RBFOX1: variants seen among roughly 807,000 people sequenced by gnomAD.
RBFOX1 encodes RNA binding protein fox-1 homolog 1.
In RBFOX1, 8 loss-of-function variants were observed where a neutral mutation model predicts 57.7. The observed-to-expected ratio is 0.14, with a 90% CI of 0.08 to 0.25. The LOEUF (loss-of-function observed/expected upper bound fraction) is 0.25, where lower values mean the gene tolerates loss of function less well. RBFOX1 is among the 10% of genes least tolerant of loss of function. The pLI is 1.00. For synonymous variants in RBFOX1, 326 were observed against 222.4 expected (o/e 1.47, Z -4.15); for missense variants, 611 against 548.5 (o/e 1.11, Z -1.14).
Position 6,185,218 on chromosome 16 carries a change from T to A in RBFOX1, c.-126-131777T>A, listed in dbSNP as rs1307784372. ...ATTTAAAAAAATTACCCTGTGACTC[T>A]ATTTCCTCTCCATCTGTCACTCTCT... On this transcript the variant is annotated intron_variant, in intron 1 of 15. Transcript: ENST00000550418. 2.6e-5 allele frequency among the ~76,000 whole-genome samples: 4 copies of A among 152,328 alleles called. No individual in the cohort carries two copies. The East Asian group carries it at 7.7e-4, about 29-fold the overall frequency.
intron 1 of RBFOX1, among the ~76,000 whole-genome samples, chr16:5,434,130 G>A (rs1204649992): frequency 6.6e-6 from 1 of 152,088 alleles, no homozygotes; most frequent in Non-Finnish European, 1.5e-5. Flanking sequence ...TGCATGTCCT[G>A]CCAGTCATAG....
chr16:5,566,733 A>G (rs2046087122), intron 2 of RBFOX1, among the ~76,000 whole-genome samples: 2 of 152,170 alleles, frequency 1.3e-5, no homozygotes, highest in Middle Eastern at 3.4e-3. Context: ...CAAACTACCT[A>G]GAGAGCTTTC....
intron 14 of RBFOX1, chr16:7,693,182 C>A: frequency 1.4e-6 from 1 of 694,164 alleles, no homozygotes; most frequent in South Asian, 1.8e-5. Flanking sequence ...TGAGGTACAT[C>A]AGCACATTTC....
At chr16:6,720,428 C>T (rs113746678) in intron 3 of RBFOX1, among the ~76,000 whole-genome samples, 103 of 152,170 alleles carry the variant, frequency 6.8e-4, no homozygotes, top group African/African-American at 2.5e-3. Flanking sequence ...TATAAATTAC[C>T]CACTCTCAGG....
intron 3 of RBFOX1, among the ~76,000 whole-genome samples, chr16:6,984,069 G>A (rs974958553): frequency 1.2e-4 from 18 of 152,132 alleles, no homozygotes; most frequent in African/African-American, 4.3e-4. Flanking sequence ...TCAACATGGA[G>A]AAACCCTGTC....
At chr16:6,927,193 A>G (rs2075744581) in intron 3 of RBFOX1, among the ~76,000 whole-genome samples, 1 of 151,578 alleles carries the variant, frequency 6.6e-6, no homozygotes. Context: ...GGGCTCAGGG[A>G]TTTCATTTTT....
intron 1 of RBFOX1, among the ~76,000 whole-genome samples, chr16:6,036,170 A>T (rs1277804570): frequency 6.6e-6 from 1 of 152,314 alleles, no homozygotes; most frequent in East Asian, 1.9e-4. Flanking sequence ...AGCAAAGAAC[A>T]TTGAGAAGCT....
chr16:5,714,086 C>G (rs1384798591), intron 3 of RBFOX1, among the ~76,000 whole-genome samples: 1 of 152,206 alleles, frequency 6.6e-6, no homozygotes, highest in African/African-American at 2.4e-5. Context: ...GCCTTCAGTT[C>G]TCTTTGCACA....
intron 3 of RBFOX1, among the ~76,000 whole-genome samples, chr16:5,697,511 T>C (rs1233877238): frequency 6.7e-6 from 1 of 148,174 alleles, no homozygotes; most frequent in African/African-American, 2.4e-5. Flanking sequence ...GTAGTAGTTG[T>C]GGGCTTTTCT....
At chr16:7,154,690 TGTGTGTG>T (rs1567484899) in intron 4 of RBFOX1, among the ~76,000 whole-genome samples, 20 of 11,406 alleles carry the variant, frequency 1.8e-3, no homozygotes, top group Non-Finnish European at 2.6e-3. Context: ...TTCCTTTGTG[TGTGTGTG>T]TGTGTGTGTG....
intron 1 of RBFOX1, among the ~76,000 whole-genome samples, chr16:5,418,749 C>T (rs760301941): frequency 6.6e-5 from 10 of 152,152 alleles, no homozygotes; most frequent in Admixed American, 1.3e-4. Context: ...TCCTTTCATC[C>T]CTCCCTCTCT....
intron 1 of RBFOX1, among the ~76,000 whole-genome samples, chr16:6,212,206 G>C (rs2097302956): frequency 6.6e-6 from 1 of 151,610 alleles, no homozygotes; most frequent in African/African-American, 2.4e-5. Flanking sequence ...TATTGACGTT[G>C]AAAAATACCT....
intron 3 of RBFOX1, among the ~76,000 whole-genome samples, chr16:6,797,348 A>T (rs539764986): frequency 4.6e-5 from 7 of 152,284 alleles, no homozygotes; most frequent in African/African-American, 1.7e-4. Flanking sequence ...GGTGAAAATC[A>T]TTATGAAGCA....
At chr16:6,207,688 T>C (rs558493638) in intron 1 of RBFOX1, among the ~76,000 whole-genome samples, 3 of 152,222 alleles carry the variant, frequency 2.0e-5, no homozygotes, top group Middle Eastern at 3.4e-3. Context: ...ACATTTTATT[T>C]TATTTTATTT....
At chr16:6,890,926 C>G (rs1309293273) in intron 3 of RBFOX1, among the ~76,000 whole-genome samples, 3 of 152,168 alleles carry the variant, frequency 2.0e-5, no homozygotes, top group Non-Finnish European at 4.4e-5. Flanking sequence ...CTTGAACAGA[C>G]TCTTGCTTGC....
At chr16:5,459,606 T>TC (rs1457305108) in intron 1 of RBFOX1, among the ~76,000 whole-genome samples, 6 of 151,714 alleles carry the variant, frequency 4.0e-5, no homozygotes, top group Non-Finnish European at 7.4e-5. Flanking sequence ...AATTTTTCCT[T>TC]CCCCCACAAA....
chr16:7,360,095 A>G lies in RBFOX1; in HGVS notation c.28-158052A>G, dbSNP rs1356057636. Among the ~76,000 whole-genome samples, 7 of 152,266 alleles carry G rather than the reference A, an allele frequency of 4.6e-5. No homozygotes were observed. The South Asian group carries it at 6.2e-4, about 14-fold the overall frequency. ...AACAACTTAAATATTCCCTCCCCCT[A>G]TGATGAAAATGGGATTCAACCAAAA... On this transcript the variant is annotated intron_variant, in intron 4 of 15. Coordinates refer to ENST00000550418, the MANE Select transcript of RBFOX1 (RefSeq NM_018723.4).
chr16:7,593,988 T>G (rs1437417541), intron 7 of RBFOX1, among the ~76,000 whole-genome samples: 1 of 152,132 alleles, frequency 6.6e-6, no homozygotes, highest in African/African-American at 2.4e-5. Flanking sequence ...TTTGTTGTTT[T>G]ATTATACTTT....
rs151099680 is a variant in RBFOX1 at position 6,952,804 on chromosome 16, C to T, written c.-15-99253C>T. Among the ~76,000 whole-genome samples, 862 of 152,076 alleles carry T rather than the reference C, an allele frequency of 5.7e-3. 2 individuals carry two copies. The highest frequency in any genetic ancestry group is 0.019 in the African/African-American group (797 of 41,460). The stretch of plus-strand genomic sequence containing the variant: ...CAGCCTGGCCAACATGGTGAAACCC[C>T]ATCTCTACTAAAATACAAAAATTAG... On this transcript the variant is annotated intron_variant, in intron 3 of 15. Coordinates refer to ENST00000550418, the MANE Select transcript of RBFOX1 (RefSeq NM_018723.4).
Sources: gnomAD v4.1 joint callset for allele counts (sites outside exome capture counted in the v4.1 genomes callset) on GRCh38, gnomAD v4.1.1 for gene constraint, MANE v1.5 for transcripts, NCBI Gene and HGNC (gene_info 2026-07-23, HGNC 2026-07-21) for gene names.